Variants in CDH2 observed in about 807,000 individuals in gnomAD.
CDH2 encodes the protein cadherin-2.
A neutral mutation model predicts 92.0 loss-of-function variants in CDH2; 17 were observed. That is an observed-to-expected ratio of 0.18 (90% CI 0.13 to 0.28). CDH2 has a LOEUF of 0.28. CDH2 is among the 10% of genes least tolerant of loss of function. The pLI, the probability that CDH2 is intolerant of heterozygous loss-of-function variation, is 1.00. For missense variants in CDH2, 862 were observed against 1,133.1 expected (o/e 0.76, Z 3.44); for synonymous variants, 419 against 415.9 (o/e 1.01, Z -0.09).
chr18:28,045,349 C>A (rs1184701967), intron 2 of CDH2: 21 of 451,640 alleles, frequency 4.6e-5, no homozygotes. Flanking sequence ...TTTGTAAAAC[C>A]CAAAGCTTAT....
At chr18:28,013,102 C>T (rs2013145111) in intron 3 of CDH2, among the ~76,000 whole-genome samples, 1 of 152,110 alleles carries the variant, frequency 6.6e-6, no homozygotes, top group Admixed American at 6.5e-5. Context: ...ATTAAGTGCT[C>T]AATAAATATT....
intron 2 of CDH2, among the ~76,000 whole-genome samples, chr18:28,069,337 A>C (rs1163638604): frequency 6.6e-6 from 1 of 152,188 alleles, no homozygotes; most frequent in Non-Finnish European, 1.5e-5. Flanking sequence ...AAGTGGAAAA[A>C]ATAATCAATT....
intron 2 of CDH2, among the ~76,000 whole-genome samples, chr18:28,027,494 T>G (rs1041296002): frequency 6.6e-6 from 1 of 151,960 alleles, no homozygotes; most frequent in Non-Finnish European, 1.5e-5. Context: ...AAGAAAGAAA[T>G]AACGTGCTAT....
intron 2 of CDH2, among the ~76,000 whole-genome samples, chr18:28,128,146 A>G (rs935443639): frequency 2.6e-5 from 4 of 152,218 alleles, no homozygotes; most frequent in African/African-American, 9.6e-5. Context: ...TCATGATCAC[A>G]CTTTTTAAAA....
chr18:28,071,698 A>G (rs2014621132), intron 2 of CDH2, among the ~76,000 whole-genome samples: 3 of 152,216 alleles, frequency 2.0e-5, no homozygotes, highest in Non-Finnish European at 4.4e-5. Context: ...GCTACTTAAG[A>G]TAAATACTGT....
intron 2 of CDH2, among the ~76,000 whole-genome samples, chr18:28,044,038 G>C (rs139553492): frequency 0.026 from 3,936 of 151,578 alleles, 69 homozygotes; most frequent in Non-Finnish European, 0.043. Context: ...TCAGCCTCCT[G>C]AGTAGCTGGG....
At chr18:28,166,054 C>A (rs1354034860) in intron 1 of CDH2, among the ~76,000 whole-genome samples, 1 of 148,872 alleles carries the variant, frequency 6.7e-6, no homozygotes, top group Non-Finnish European at 1.5e-5. Flanking sequence ...TAATATCTGA[C>A]ATAGTGTGAC....
intron 14 of CDH2, among the ~76,000 whole-genome samples, chr18:27,968,486 G>GT (rs2011582706): frequency 6.6e-6 from 1 of 152,186 alleles, no homozygotes; most frequent in Non-Finnish European, 1.5e-5. Flanking sequence ...GAACAAATGA[G>GT]TTCTTCGGTC....
rs118120861 is a variant in CDH2, at chr18:28,168,674, T to C, written c.60+8289A>G. The C allele has an allele frequency of 1.2e-4, 39 of 332,356 alleles. No individual in the cohort carries two copies. The East Asian group carries it at 6.1e-3, about 52-fold the overall frequency. 20.6% of individuals were successfully genotyped at this position (332,356 alleles called of 1,614,324 possible). A position where few individuals can be genotyped will look rare whatever the true frequency, so the allele number is the denominator to read the frequency against. On this transcript the variant is annotated intron_variant, in intron 1 of 15. Transcript: ENST00000269141. Reference sequence around the variant, plus strand: ...ACTGATTATGAATGCTTCTAAAATGTTTTTTCTCTCCTAAAGACCACAGGA... The same window carrying C: ...ACTGATTATGAATGCTTCTAAAATGCTTTTTCTCTCCTAAAGACCACAGGA...
At chr18:28,025,530 T>A (rs568231651) in intron 2 of CDH2, among the ~76,000 whole-genome samples, 9 of 149,516 alleles carry the variant, frequency 6.0e-5, no homozygotes, top group African/African-American at 2.0e-4. Flanking sequence ...AAAAAAATAA[T>A]AATAATAATA....
intron 14 of CDH2, among the ~76,000 whole-genome samples, chr18:27,981,597 T>A (rs1567948149): frequency 6.6e-6 from 1 of 152,134 alleles, no homozygotes; most frequent in Non-Finnish European, 1.5e-5. Flanking sequence ...ATCATGCAAC[T>A]TTTTTCAAAT....
At position 28,131,707 on chromosome 18, in the gene CDH2, T is replaced by TGTGTGTGTGTGG. The variant is rs777344485; in HGVS notation, c.172+15965_172+15966insCCACACACACAC. Among the ~76,000 whole-genome samples the TGTGTGTGTGTGG allele has an allele frequency of 9.4e-3, 1,433 of 151,882 alleles. 25 individuals carry two copies. The highest frequency in any genetic ancestry group is 0.033 in the African/African-American group (1,349 of 41,324). ...TGGTGTGTGTGTGTGTGTGTGTGTG[T>TGTGTGTGTGTGG]GGCCTGAAATAGTGTGATCCTACAG... On this transcript the variant is annotated intron_variant, in intron 2 of 15. Transcript: ENST00000269141.
chr18:27,989,984 T>A (rs1406530463), intron 10 of CDH2, 113 bp downstream of exon 10: 4 of 849,920 alleles, frequency 4.7e-6, no homozygotes, highest in African/African-American at 1.7e-5. Context: ...TATCTTTTAA[T>A]AAGTAGTTTT....
intron 2 of CDH2, among the ~76,000 whole-genome samples, chr18:28,073,050 T>C (rs553135301): frequency 6.6e-6 from 1 of 152,298 alleles, no homozygotes; most frequent in South Asian, 2.1e-4. Context: ...ACAGAATTTT[T>C]TTTTTCAAAA....
At chr18:28,118,806 A>T (rs2015539140) in intron 2 of CDH2, among the ~76,000 whole-genome samples, 1 of 152,096 alleles carries the variant, frequency 6.6e-6, no homozygotes, top group Non-Finnish European at 1.5e-5. Context: ...AAAAGTCCCC[A>T]AATTACAGTC....
chr18:28,005,605 T>G (rs2012892255), intron 6 of CDH2, among the ~76,000 whole-genome samples: 1 of 152,158 alleles, frequency 6.6e-6, no homozygotes, highest in Non-Finnish European at 1.5e-5. Flanking sequence ...AATCAAATAC[T>G]GTAGTGCATA....
chr18:28,161,943 C>A (rs1468934402), intron 1 of CDH2, among the ~76,000 whole-genome samples: 2 of 152,124 alleles, frequency 1.3e-5, no homozygotes, highest in East Asian at 3.8e-4. Flanking sequence ...GCTATAGGTC[C>A]GTAAGCTTCG....
chr18:28,147,562 G>T, intron 2 of CDH2, 111 bp downstream of exon 2: 2 of 599,892 alleles, frequency 3.3e-6, no homozygotes, highest in Non-Finnish European at 5.7e-6. Flanking sequence ...CATAGTGATT[G>T]TGAAAAATTC....
intron 2 of CDH2, among the ~76,000 whole-genome samples, chr18:28,021,519 T>G (rs1321774065): frequency 6.6e-6 from 1 of 152,004 alleles, no homozygotes; most frequent in Non-Finnish European, 1.5e-5. Context: ...ATAGTTTACA[T>G]ATATCAGATG....
Sources: gnomAD v4.1 joint callset for allele counts (sites outside exome capture counted in the v4.1 genomes callset) on GRCh38, gnomAD v4.1.1 for gene constraint, MANE v1.5 for transcripts, NCBI Gene and HGNC (gene_info 2026-07-23, HGNC 2026-07-21) for gene names.